Variants in TRIM51G observed in about 807,000 individuals in gnomAD.
TRIM51G encodes tripartite motif-containing 51G, also known as tripartite motif-containing protein 51G.
chr11:48,979,527 A>T, the TRIM51G span, among the ~76,000 whole-genome samples: 1 of 152,104 alleles, frequency 6.6e-6, no homozygotes, highest in East Asian at 1.9e-4. Context: ...AATGCATTTC[A>T]CCCAGCATAA....
the TRIM51G span, among the ~76,000 whole-genome samples, chr11:48,983,739 C>T: frequency 6.6e-6 from 1 of 151,840 alleles, no homozygotes; most frequent in African/African-American, 2.4e-5. Context: ...TTGCACTCAC[C>T]CCAAGGTTCT....
At chr11:48,978,060 T>A in the TRIM51G span, 1 of 475,568 alleles carries the variant, frequency 2.1e-6, no homozygotes, top group African/African-American at 2.0e-5. Context: ...CTGAATCACT[T>A]ATACCTTCAA....
chr11:48,979,039 G>T, the TRIM51G span: 9 of 1,009,584 alleles, frequency 8.9e-6, no homozygotes, highest in Non-Finnish European at 1.3e-5. Flanking sequence ...TCTTCTTCAT[G>T]GAAAAATGCA....
At chr11:48,977,076 GAC>G in the TRIM51G span, 1 of 980,478 alleles carries the variant, frequency 1.0e-6, no homozygotes, top group South Asian at 1.3e-5. Flanking sequence ...CCAATGGGCT[GAC>G]ACTCACCTCT....
the TRIM51G span, among the ~76,000 whole-genome samples, chr11:48,983,784 A>G: frequency 1.3e-5 from 2 of 152,204 alleles, no homozygotes; most frequent in South Asian, 4.1e-4. Context: ...TCCAAGAAAA[A>G]ATTCTTTTAA....
At chr11:48,983,633 C>A in the TRIM51G span, among the ~76,000 whole-genome samples, 3 of 151,138 alleles carry the variant, frequency 2.0e-5, no homozygotes, top group South Asian at 6.3e-4. Flanking sequence ...ATATGAGTTA[C>A]AAATAAGATC....
At chr11:48,980,091 C>T in the TRIM51G span, among the ~76,000 whole-genome samples, 29 of 151,892 alleles carry the variant, frequency 1.9e-4, no homozygotes, top group Non-Finnish European at 3.7e-4. Context: ...TGCACGGTGG[C>T]CATTTGCTTT....
the TRIM51G span, chr11:48,975,654 A>C: frequency 7.0e-7 from 1 of 1,428,266 alleles, no homozygotes. Flanking sequence ...GTCTTGGAAC[A>C]TATTGCATTA....
At chr11:48,979,246 T>G in the TRIM51G span, 1 of 524,710 alleles carries the variant, frequency 1.9e-6, no homozygotes, top group East Asian at 4.3e-5. Context: ...TTCCTTTCAT[T>G]TCTGTATTAA....
At chr11:48,982,128 A>T in the TRIM51G span, among the ~76,000 whole-genome samples, 1 of 152,092 alleles carries the variant, frequency 6.6e-6, no homozygotes, top group Non-Finnish European at 1.5e-5. Flanking sequence ...GGGTGCTATG[A>T]CATATTTTTA....
chr11:48,975,837 T>G, the TRIM51G span: 2 of 1,292,856 alleles, frequency 1.5e-6, no homozygotes, highest in Non-Finnish European at 2.2e-6. Context: ...CCCAATAAAA[T>G]TTGCCAGATA....
At chr11:48,978,202 C>A in the TRIM51G span, 2 of 531,112 alleles carry the variant, frequency 3.8e-6, no homozygotes, top group South Asian at 2.8e-5. Flanking sequence ...CCACAAGATG[C>A]ATCTTCAACT....
the TRIM51G span, among the ~76,000 whole-genome samples, chr11:48,977,902 A>G: frequency 5.8e-4 from 4 of 6,842 alleles, no homozygotes; most frequent in Non-Finnish European, 1.6e-3. Context: ...TTTCTTTTTT[A>G]TTTATTTATT....
At chr11:48,982,309 G>A in the TRIM51G span, among the ~76,000 whole-genome samples, 1 of 151,682 alleles carries the variant, frequency 6.6e-6, no homozygotes, top group African/African-American at 2.4e-5. Context: ...TTCTTCTTTG[G>A]GCTACTCAAA....
At chr11:48,977,268 G>A in the TRIM51G span, 1 of 673,696 alleles carries the variant, frequency 1.5e-6, no homozygotes, top group African/African-American at 1.8e-5. Context: ...CATTTCATGA[G>A]AATCCCTTTA....
chr11:48,978,866 C>A, the TRIM51G span: 7 of 1,226,572 alleles, frequency 5.7e-6, no homozygotes, highest in African/African-American at 1.5e-5. Flanking sequence ...CATGGTCAGT[C>A]CGTACCTGGA....
the TRIM51G span, among the ~76,000 whole-genome samples, chr11:48,980,319 A>G: frequency 5.9e-5 from 9 of 152,096 alleles, no homozygotes; most frequent in African/African-American, 2.2e-4. Flanking sequence ...CTCCTTATAT[A>G]AAATACTAGT....
chr11:48,979,371 AAC>A, the TRIM51G span, among the ~76,000 whole-genome samples: 1 of 152,190 alleles, frequency 6.6e-6, no homozygotes, highest in African/African-American at 2.4e-5. Context: ...ATAGAAAGAA[AAC>A]ACAGTTTTTT....
At chr11:48,980,084 A>G in the TRIM51G span, among the ~76,000 whole-genome samples, 1 of 151,974 alleles carries the variant, frequency 6.6e-6, no homozygotes, top group African/African-American at 2.4e-5. Context: ...ACATATCTGC[A>G]CGGTGGCCAT....
Sources: allele counts gnomAD v4.1 joint callset (sites outside exome capture counted in the v4.1 genomes callset), GRCh38; gene constraint gnomAD v4.1.1; transcripts MANE v1.5; gene names NCBI Gene and HGNC (gene_info 2026-07-23, HGNC 2026-07-21).